ABCB8: variants seen among roughly 807,000 people sequenced by gnomAD.
The protein encoded by ABCB8 is ATP binding cassette subfamily B member 8.
ABCB8 carries 52 observed loss-of-function variants against 73.0 expected under a neutral mutation model. The ratio of observed to expected loss-of-function variants is 0.71; its 90% CI spans 0.57 to 0.90. The LOEUF (loss-of-function observed/expected upper bound fraction) is 0.90, where lower values mean the gene tolerates loss of function less well. Among genes scored for constraint, ABCB8 ranks in the 40% least tolerant of loss-of-function variants. The probability of loss-of-function intolerance (pLI) is 0.00; values close to 1 mark genes in which losing one functional copy is unlikely to be tolerated. For missense variants in ABCB8, 909 were observed against 974.6 expected, an observed-to-expected ratio of 0.93 and a Z score of 0.90; for synonymous variants, 428 against 423.5, an observed-to-expected ratio of 1.01 and a Z score of -0.13.
rs866280291 is a variant in ABCB8, at chr7:151,047,728, C to G, written c.*2379C>G. The G allele has an allele frequency of 1.3e-5, 2 of 152,220 alleles. No individual in the cohort carries two copies. The highest frequency in any genetic ancestry group is 2.9e-5 in the Non-Finnish European group (2 of 68,052). The allele number at this position is 152,220 out of a possible 1,614,324, so 9.4% of individuals were successfully genotyped here. On this transcript the variant is annotated 3_prime_UTR_variant, in exon 16 of 16. Coordinates refer to ENST00000358849, the MANE Select transcript of ABCB8 (RefSeq NM_007188.5). ...TGTTTGTAATGGAAAGACTGGACAC[C>G]CCCAGTGCCCATCAGTGGGGGAGTC...
chr7:151,045,602 G>A lies in ABCB8; in HGVS notation c.*253G>A. 1 of 439,146 alleles carries A rather than the reference G, an allele frequency of 2.3e-6. No homozygotes were observed. Among genetic ancestry groups the A allele is most frequent in the East Asian group, 3.7e-5 (1 of 27,218 alleles). 27.2% of individuals were successfully genotyped at this position (439,146 alleles called of 1,614,324 possible). A position where few individuals can be genotyped will look rare whatever the true frequency, so the allele number is the denominator to read the frequency against. Reference sequence around the variant, plus strand: ...GAGTCATTGGGCTGCAATGGGCAGAGACAGAGTTCCACGAGACACCTCCAC... The same window carrying A: ...GAGTCATTGGGCTGCAATGGGCAGAAACAGAGTTCCACGAGACACCTCCAC... On this transcript the variant is annotated 3_prime_UTR_variant, in exon 16 of 16. Coordinates refer to ENST00000358849, the MANE Select transcript of ABCB8 (RefSeq NM_007188.5).
At position 151,041,094 on chromosome 7, in the gene ABCB8, C is replaced by T; in HGVS notation, c.1484-5C>T. 1 of 1,613,682 alleles carries T rather than the reference C, an allele frequency of 6.2e-7. No homozygotes were observed. On this transcript the variant is annotated splice_polypyrimidine_tract_variant and splice_region_variant and intron_variant, in intron 12 of 15. Transcript: ENST00000358849. ...GCCTCCCTCCCTCTCAACCCAATTC[C>T]CCAGGAAAGACCACCGTGGCTTCCC...
intron 15 of ABCB8, among the ~76,000 whole-genome samples, chr7:151,044,663 G>A (rs575027327): frequency 4.6e-5 from 7 of 152,342 alleles, no homozygotes; most frequent in African/African-American, 1.7e-4. Context: ...AGGATTACTT[G>A]AGCCCCAGAG....
chr7:151,040,834 C>T lies in ABCB8; in HGVS notation c.1395C>T (p.Pro465=), dbSNP rs1436362551. The stretch of plus-strand genomic sequence containing the variant: ...GTCTCTCGGCTCCTCCCAGCTACCC[C>T]TGCCGCCCCGGCTTCGAGGTGCTGA... The part of the protein sequence containing the change: ...VTFQNVCFSY[P]CRPGFEVLKD... Residue 465 remains proline (P), a synonymous_variant, in exon 12 of 16, where the codon CCC becomes CCT. Transcript: ENST00000358849. 1 of 1,593,652 alleles carries T rather than the reference C, an allele frequency of 6.3e-7. No homozygotes were observed. Among genetic ancestry groups the T allele is most frequent in the South Asian group, 1.1e-5 (1 of 88,870 alleles).
intron 1 of ABCB8, 47 bp downstream of exon 1, chr7:151,028,657 A>G (rs1796041124): frequency 6.3e-7 from 1 of 1,588,058 alleles, no homozygotes. Context: ...ACCGCCCGGC[A>G]GGGCAGTGCC....
At position 151,046,740 on chromosome 7, in the gene ABCB8, A is replaced by G. The variant is rs1231238842; in HGVS notation, c.*1391A>G. 1 of 152,280 alleles carries G rather than the reference A, an allele frequency of 6.6e-6. No homozygotes were observed. The highest frequency in any genetic ancestry group is 2.4e-5 in the African/African-American group (1 of 41,462). The allele number at this position is 152,280 out of a possible 1,614,324, so 9.4% of individuals were successfully genotyped here. ...CTCTTTCAGGGGTGTGATACAGTGC[A>G]TTGATGGAGCAGCTGGTGCTGCTGG... On this transcript the variant is annotated 3_prime_UTR_variant, in exon 16 of 16. Transcript: ENST00000358849.
intron 2 of ABCB8, 75 bp downstream of exon 2, chr7:151,033,992 C>T (rs1482166299): frequency 6.1e-6 from 9 of 1,471,062 alleles, no homozygotes; most frequent in South Asian, 2.7e-5. Flanking sequence ...ATTCCTGCCT[C>T]GCTGCCTCTC....
chr7:151,037,773 T>C, intron 9 of ABCB8: 1 of 196,202 alleles, frequency 5.1e-6, no homozygotes, highest in Non-Finnish European at 1.1e-5. Context: ...CACTGCAGGG[T>C]GTACTGTCCC....
At chr7:151,030,281 C>T (rs1258438010) in intron 1 of ABCB8, among the ~76,000 whole-genome samples, 1 of 152,112 alleles carries the variant, frequency 6.6e-6, no homozygotes, top group Non-Finnish European at 1.5e-5. Context: ...TTTGGGAGGC[C>T]AAGGCAGGCG....
At position 151,033,738 on chromosome 7, in the gene ABCB8, G is replaced by A. The variant is rs1563288062; in HGVS notation, c.229G>A (p.Ala77Thr). 6.2e-7 allele frequency: 1 copy of A among 1,613,970 alleles called. No homozygotes were observed. ...SPSAWCWVGG[A>T]LLGPMVLSKH... ...CTCTGCCTGGTGCTGGGTTGGGGGA[G>A]CCCTGCTAGGCCCCATGGTACTGAG... Residue 77 changes from alanine to threonine, a missense_variant, in exon 2 of 16, where the codon GCC (alanine) becomes ACC (threonine). Transcript: ENST00000358849.
chr7:151,028,844 A>C (rs1200877915), intron 1 of ABCB8: 13 of 1,548,822 alleles, frequency 8.4e-6, no homozygotes, highest in Non-Finnish European at 1.1e-5. Flanking sequence ...GAAGGAGGGG[A>C]CGCTCGGGGT....
At chr7:151,036,417 A>T in intron 8 of ABCB8, 127 bp from the exon 9 acceptor site, 1 of 978,196 alleles carries the variant, frequency 1.0e-6, no homozygotes, top group Non-Finnish European at 1.6e-6. Context: ...TGCTCTTCCG[A>T]GGAGGAAGCC....
rs747950455 is a variant in ABCB8, at chr7:151,042,127, C to T, written c.1765+19C>T. On this transcript the variant is annotated intron_variant, in intron 14 of 15. Transcript: ENST00000358849. ...GTCGTCGGTGGGTGCTCGGGTCTGC[C>T]GGGAACCAGGTGGTGAGGCACTGGG... The T allele has an allele frequency of 1.4e-5, 23 of 1,610,032 alleles. No homozygotes were observed. The highest frequency in any genetic ancestry group is 2.7e-5 in the African/African-American group (2 of 74,844).
intron 1 of ABCB8, among the ~76,000 whole-genome samples, chr7:151,030,498 A>G (rs1796131910): frequency 1.7e-5 from 2 of 118,062 alleles, no homozygotes; most frequent in African/African-American, 7.1e-5. Context: ...ATGACAGAGC[A>G]AGACTCCGTC....
chr7:151,041,023 C>T, intron 12 of ABCB8, 76 bp from the exon 13 acceptor site: 1 of 1,607,932 alleles, frequency 6.2e-7, no homozygotes, highest in Middle Eastern at 1.7e-4. Flanking sequence ...CCTTCCTCCA[C>T]TGCCACAAGG....
chr7:151,040,612 A>T lies in ABCB8; in HGVS notation c.1366A>T (p.Thr456Ser). The change falls in exon 11 of 16, where the codon ACA becomes TCA. Residue 456 changes from threonine to serine, a missense_variant. Physicochemically the swap from Thr to Ser is moderately conservative, Grantham distance 58 (BLOSUM62 1). Coordinates refer to ENST00000358849, the MANE Select transcript of ABCB8 (RefSeq NM_007188.5). ...VPKEQLRGSVTFQNVCFSYPC... is the reference protein window; with the variant it reads ...VPKEQLRGSVSFQNVCFSYPC... ...CAAAGAGCAGCTGCGTGGCTCCGTTACATTTCAGAACGTCTGCTTCAGGTC... is the reference window on the plus strand; with the variant it reads ...CAAAGAGCAGCTGCGTGGCTCCGTTTCATTTCAGAACGTCTGCTTCAGGTC... The T allele has an allele frequency of 1.2e-6, 2 of 1,612,898 alleles. No homozygotes were observed. The highest frequency in any genetic ancestry group is 1.7e-6 in the Non-Finnish European group (2 of 1,179,780).
At chr7:151,028,805 C>T in intron 1 of ABCB8, 195 bp downstream of exon 1, 3 of 1,552,004 alleles carry the variant, frequency 1.9e-6, no homozygotes, top group Non-Finnish European at 2.6e-6. Context: ...CAGCAGGAGG[C>T]TCCTGCGTCT....
chr7:151,043,361 G>C (rs957902744), intron 14 of ABCB8, among the ~76,000 whole-genome samples: 5 of 152,122 alleles, frequency 3.3e-5, no homozygotes, highest in Admixed American at 6.5e-5. Context: ...AGCCAGTGCA[G>C]GGGGAACCCA....
Position 151,045,693 on chromosome 7 carries a change from C to A in ABCB8, c.*344C>A. ...AGACGTTCTGGCCAGTCTCCCTGCC[C>A]CACCCAGCAGCTTCAAATTGGCCAG... On this transcript the variant is annotated 3_prime_UTR_variant, in exon 16 of 16. Coordinates refer to ENST00000358849, the MANE Select transcript of ABCB8 (RefSeq NM_007188.5). The A allele has an allele frequency of 8.4e-6, 2 of 236,732 alleles. No homozygotes were observed. Among genetic ancestry groups the A allele is most frequent in the Non-Finnish European group, 1.6e-5 (2 of 123,530 alleles). 14.7% of individuals were successfully genotyped at this position (236,732 alleles called of 1,614,324 possible). A position where few individuals can be genotyped will look rare whatever the true frequency, so the allele number is the denominator to read the frequency against.
Sources: gnomAD v4.1 joint callset for allele counts (sites outside exome capture counted in the v4.1 genomes callset) on GRCh38, gnomAD v4.1.1 for gene constraint, MANE v1.5 for transcripts, NCBI Gene and HGNC (gene_info 2026-07-23, HGNC 2026-07-21) for gene names.